Variants in TCERG1L observed in about 807,000 individuals in gnomAD.
The protein encoded by TCERG1L is transcription elongation regulator 1-like protein.
A neutral mutation model predicts 56.3 loss-of-function variants in TCERG1L; 37 were observed. The ratio of observed to expected loss-of-function variants is 0.66; its 90% CI spans 0.51 to 0.87. The LOEUF (loss-of-function observed/expected upper bound fraction) is 0.87. TCERG1L is among the 40% of genes least tolerant of loss of function. The pLI, the probability that TCERG1L is intolerant of heterozygous loss-of-function variation, is 0.00. For synonymous variants in TCERG1L, 324 were observed against 326.3 expected (o/e 0.99, Z 0.08); for missense variants, 799 against 774.2 (o/e 1.03, Z -0.38).
At chr10:131,183,830 G>C (rs560954670) in intron 4 of TCERG1L, among the ~76,000 whole-genome samples, 59 of 152,316 alleles carry the variant, frequency 3.9e-4, no homozygotes, top group African/African-American at 1.3e-3. Flanking sequence ...ATTATGGCGC[G>C]TGTGTCTGCC....
chr10:131,100,834 G>T (rs944558883), intron 10 of TCERG1L, among the ~76,000 whole-genome samples: 1 of 152,156 alleles, frequency 6.6e-6, no homozygotes, highest in Non-Finnish European at 1.5e-5. Flanking sequence ...TTTGGATGGG[G>T]TCCAGCTATG....
intron 6 of TCERG1L, among the ~76,000 whole-genome samples, chr10:131,149,693 C>T (rs1294342424): frequency 6.6e-6 from 1 of 152,160 alleles, no homozygotes; most frequent in Non-Finnish European, 1.5e-5. Context: ...GGCCTGGGCT[C>T]TTTGGCAACA....
intron 4 of TCERG1L, among the ~76,000 whole-genome samples, chr10:131,220,799 G>A (rs1169486862): frequency 6.6e-6 from 1 of 152,246 alleles, no homozygotes; most frequent in East Asian, 1.9e-4. Context: ...GCCAGGATGA[G>A]GAAAGGGGGT....
chr10:131,205,290 A>C (rs1284969108), intron 4 of TCERG1L, among the ~76,000 whole-genome samples: 1 of 151,978 alleles, frequency 6.6e-6, no homozygotes, highest in Non-Finnish European at 1.5e-5. Flanking sequence ...GATGCATCCC[A>C]ACTCTCTGCT....
intron 4 of TCERG1L, among the ~76,000 whole-genome samples, chr10:131,242,273 C>T (rs1402815971): frequency 6.6e-6 from 1 of 152,032 alleles, no homozygotes; most frequent in Admixed American, 6.5e-5. Context: ...AATATGGATG[C>T]TGTGAGGAGT....
intron 4 of TCERG1L, among the ~76,000 whole-genome samples, chr10:131,236,776 CAGGT>C (rs1285068829): frequency 6.6e-6 from 1 of 152,098 alleles, no homozygotes; most frequent in African/African-American, 2.4e-5. Context: ...AGGAGTAAGG[CAGGT>C]AGGTAAGAGC....
chr10:131,242,345 A>G (rs528620571), intron 4 of TCERG1L, among the ~76,000 whole-genome samples: 8 of 152,294 alleles, frequency 5.3e-5, no homozygotes, highest in Admixed American at 1.3e-4. Flanking sequence ...AGAATGTGAA[A>G]AACATCTTGG....
At chr10:131,108,332 C>A (rs544014680) in intron 9 of TCERG1L, among the ~76,000 whole-genome samples, 2 of 152,164 alleles carry the variant, frequency 1.3e-5, no homozygotes, top group Admixed American at 6.5e-5. Context: ...TCGGTTACAG[C>A]GAAGGGTAGA....
chr10:131,209,927 T>C (rs952231533), intron 4 of TCERG1L, among the ~76,000 whole-genome samples: 1 of 152,220 alleles, frequency 6.6e-6, no homozygotes. Context: ...AGGTTACAAA[T>C]ATATTTTACA....
intron 6 of TCERG1L, among the ~76,000 whole-genome samples, chr10:131,151,190 G>A (rs10829922): frequency 0.2 from 31,061 of 152,004 alleles, 3,568 homozygotes; most frequent in East Asian, 0.35. Flanking sequence ...CCTTTCCAAC[G>A]GTCCCCCAAA....
In TCERG1L at chr10:131,163,173, G is replaced by A. The variant is rs1042274599; in HGVS notation, c.983C>T (p.Thr328Ile). Residue 328 changes from threonine (T) to isoleucine (I), a missense_variant, in exon 6 of 12, where the codon ACA becomes ATA. Physicochemically the swap from Thr to Ile is moderately conservative, Grantham distance 89. Coordinates refer to ENST00000368642, the MANE Select transcript of TCERG1L (RefSeq NM_174937.4). ...GGCCACTGGCCTGTTGCCTCTGGCT[G>A]TGCTGTCCTCTCCTCCCCCCAGCAT... ...PPMLGGGEDS[T>I]ARGNRPVAST... is the part of the protein sequence containing the mutation. 2 of 1,572,454 alleles carry A rather than the reference G, an allele frequency of 1.3e-6. No homozygotes were observed. Among genetic ancestry groups the A allele is most frequent in the Non-Finnish European group, 1.7e-6 (2 of 1,157,834 alleles).
chr10:131,172,419 T>C (rs1021160098), intron 4 of TCERG1L, among the ~76,000 whole-genome samples: 1 of 152,254 alleles, frequency 6.6e-6, no homozygotes, highest in African/African-American at 2.4e-5. Context: ...CAACCTCCTC[T>C]GATGATCTTG....
chr10:131,177,065 C>CAA (rs150168947), intron 4 of TCERG1L, among the ~76,000 whole-genome samples: 4 of 149,812 alleles, frequency 2.7e-5, no homozygotes, highest in African/African-American at 1.0e-4. Flanking sequence ...TATACACACA[C>CAA]AGACACATAC....
intron 4 of TCERG1L, among the ~76,000 whole-genome samples, chr10:131,185,986 C>A (rs916369124): frequency 2.6e-5 from 4 of 152,188 alleles, no homozygotes; most frequent in Admixed American, 2.0e-4. Context: ...GGTGAATAAG[C>A]ACCAAGTAGG....
intron 4 of TCERG1L, among the ~76,000 whole-genome samples, chr10:131,241,732 T>C (rs1039001197): frequency 6.6e-6 from 1 of 152,160 alleles, no homozygotes; most frequent in Admixed American, 6.5e-5. Context: ...GGAATGTATA[T>C]GTGTATACAT....
chr10:131,166,677 C>A, intron 5 of TCERG1L, 120 bp downstream of exon 5: 1 of 988,686 alleles, frequency 1.0e-6, no homozygotes, highest in Non-Finnish European at 1.5e-6. Flanking sequence ...CTGCTTCACA[C>A]AGCAGATGGC....
chr10:131,244,282 G>A (rs1022440724), intron 4 of TCERG1L, among the ~76,000 whole-genome samples: 1 of 152,156 alleles, frequency 6.6e-6, no homozygotes, highest in South Asian at 2.1e-4. Context: ...AAGTGTGACC[G>A]TGAAGCATGA....
chr10:131,290,158 G>C (rs1232694169), intron 3 of TCERG1L, among the ~76,000 whole-genome samples: 1 of 38,336 alleles, frequency 2.6e-5, no homozygotes, highest in African/African-American at 7.2e-5. Context: ...TCTCCTATCG[G>C]TGTGTGTGTG....
chr10:131,266,715 G>T (rs1296171852), intron 3 of TCERG1L, among the ~76,000 whole-genome samples: 1 of 152,156 alleles, frequency 6.6e-6, no homozygotes, highest in Non-Finnish European at 1.5e-5. Context: ...AGAGAGGGTA[G>T]CTTCTGCTGC....
Sources: gnomAD v4.1 joint callset for allele counts (sites outside exome capture counted in the v4.1 genomes callset) on GRCh38, gnomAD v4.1.1 for gene constraint, MANE v1.5 for transcripts, NCBI Gene and HGNC (gene_info 2026-07-23, HGNC 2026-07-21) for gene names.